Variants in ABLIM1 observed in about 807,000 individuals in gnomAD.
The protein encoded by ABLIM1 is actin-binding LIM protein 1.
ABLIM1 carries 40 observed loss-of-function variants against 107.0 expected under a neutral mutation model. The ratio of observed to expected loss-of-function variants is 0.37; its 90% CI spans 0.29 to 0.49. The LOEUF is 0.49. ABLIM1 is among the 20% of genes least tolerant of loss of function. The pLI, the probability that ABLIM1 is intolerant of heterozygous loss-of-function variation, is 0.97. For synonymous variants in ABLIM1, 357 were observed against 357.3 expected, an observed-to-expected ratio of 1.00 and a Z score of 0.01; for missense variants, 857 against 1,008.5, an observed-to-expected ratio of 0.85 and a Z score of 2.04.
At chr10:114,525,896 C>T (rs2064640579) in intron 6 of ABLIM1, among the ~76,000 whole-genome samples, 1 of 152,082 alleles carries the variant, frequency 6.6e-6, no homozygotes, top group Non-Finnish European at 1.5e-5. Context: ...CTTTCTGGTC[C>T]CATTTCTTCT....
Position 114,707,406 on chromosome 10 carries a change from A to C in ABLIM1, c.-213+60655T>G, listed in dbSNP as rs901598199. Among the ~76,000 whole-genome samples, 4 of 152,000 alleles carry C rather than the reference A, an allele frequency of 2.6e-5. No homozygotes were observed. Among genetic ancestry groups the C allele is most frequent in the Non-Finnish European group, 2.9e-5 (2 of 68,008 alleles). ...CACCACCACACTCAGCTAATTTTAAAATTTTTAGTAGAGACGAAGTTCACC... is the reference window on the plus strand; with the variant it reads ...CACCACCACACTCAGCTAATTTTAACATTTTTAGTAGAGACGAAGTTCACC... On this transcript the variant is annotated intron_variant, in intron 1 of 15. Transcript: ENST00000651092. The surrounding 1 kb of genome is among the most constrained non-coding windows in gnomAD (Gnocchi z 4.1).
chr10:114,733,760 C>T (rs2082123300), intron 1 of ABLIM1, among the ~76,000 whole-genome samples: 1 of 152,180 alleles, frequency 6.6e-6, no homozygotes, highest in Non-Finnish European at 1.5e-5. Flanking sequence ...GCCTCCATTG[C>T]TGATTTGTTC....
At chr10:114,596,351 G>T (rs1489551188) in intron 2 of ABLIM1, among the ~76,000 whole-genome samples, 1 of 152,120 alleles carries the variant, frequency 6.6e-6, no homozygotes, top group Non-Finnish European at 1.5e-5. Context: ...CTGGTATGCT[G>T]TCTCTATTAT....
At chr10:114,595,360 C>A (rs1031467983) in intron 2 of ABLIM1, among the ~76,000 whole-genome samples, 2 of 152,190 alleles carry the variant, frequency 1.3e-5, no homozygotes, top group Non-Finnish European at 2.9e-5. Context: ...TGCACAAATA[C>A]CAACACATTC....
intron 6 of ABLIM1, among the ~76,000 whole-genome samples, chr10:114,534,104 C>T (rs975428908): frequency 2.0e-5 from 3 of 152,156 alleles, no homozygotes; most frequent in Admixed American, 2.0e-4. Context: ...GGTGGGGCAC[C>T]CTGGAATCAA....
In ABLIM1 at chr10:114,658,251, G is replaced by A. The variant is rs962500453; in HGVS notation, c.-51C>T. On this transcript the variant is annotated 5_prime_UTR_variant, in exon 1 of 23. Coordinates refer to ENST00000533213, the MANE Select transcript of ABLIM1 (RefSeq NM_002313.7). Reference sequence around the variant, plus strand: ...GAAATGGGGAGTGGGGACCCAAGGAGCGGTGCTGCCCCACAATTCTCTCTG... The same window carrying A: ...GAAATGGGGAGTGGGGACCCAAGGAACGGTGCTGCCCCACAATTCTCTCTG... 1 of 1,563,790 alleles carries A rather than the reference G, an allele frequency of 6.4e-7. No individual in the cohort carries two copies.
intron 6 of ABLIM1, among the ~76,000 whole-genome samples, chr10:114,495,868 T>C (rs1319328702): frequency 1.3e-5 from 2 of 152,208 alleles, no homozygotes; most frequent in Admixed American, 6.5e-5. Context: ...CCAGGCAGTC[T>C]GGCTCTGGAG....
At chr10:114,459,382 A>G (rs1000002460) in intron 12 of ABLIM1, among the ~76,000 whole-genome samples, 1 of 152,246 alleles carries the variant, frequency 6.6e-6, no homozygotes, top group Non-Finnish European at 1.5e-5. Flanking sequence ...TGTGTTATCA[A>G]TGGCCATAGG....
chr10:114,640,446 G>T (rs1330685002), intron 1 of ABLIM1, among the ~76,000 whole-genome samples: 1 of 152,162 alleles, frequency 6.6e-6, no homozygotes, highest in Non-Finnish European at 1.5e-5. Context: ...AGAATCGCTT[G>T]AACCCAGTAG....
chr10:114,544,757 A>G (rs777371767), intron 6 of ABLIM1, among the ~76,000 whole-genome samples: 22 of 152,280 alleles, frequency 1.4e-4, no homozygotes, highest in Non-Finnish European at 1.9e-4. Context: ...CCTGTCCTAC[A>G]TAACTCCTAC....
chr10:114,568,141 G>C (rs1414058394), intron 4 of ABLIM1, among the ~76,000 whole-genome samples: 1 of 133,514 alleles, frequency 7.5e-6, no homozygotes, highest in Non-Finnish European at 1.5e-5. Context: ...AGTGAGCCGA[G>C]ATTGCGCCAC....
At chr10:114,594,665 G>A (rs920631299) in intron 2 of ABLIM1, among the ~76,000 whole-genome samples, 7 of 152,132 alleles carry the variant, frequency 4.6e-5, no homozygotes, top group East Asian at 1.9e-4. Context: ...CAGGGGAATC[G>A]TTTGAACCTG....
chr10:114,771,364 C>T (rs897399207), upstream of ABLIM1, among the ~76,000 whole-genome samples: 5 of 152,208 alleles, frequency 3.3e-5, no homozygotes, highest in African/African-American at 1.2e-4. Context: ...GCAAGTACTC[C>T]GTGCCTGCCT....
chr10:114,689,082 C>A (rs1384708643), upstream of ABLIM1, among the ~76,000 whole-genome samples: 2 of 152,162 alleles, frequency 1.3e-5, no homozygotes, highest in Non-Finnish European at 2.9e-5. Context: ...ACGGAGGCTG[C>A]AGAGAGGGAG....
chr10:114,658,725 C>T (rs149564439), upstream of ABLIM1, among the ~76,000 whole-genome samples: 8 of 152,268 alleles, frequency 5.3e-5, no homozygotes, highest in Non-Finnish European at 1.0e-4. Context: ...GTGACAAATC[C>T]AGCTCTCAGC....
chr10:114,517,565 T>A (rs1037392576), intron 6 of ABLIM1, among the ~76,000 whole-genome samples: 5 of 152,082 alleles, frequency 3.3e-5, no homozygotes, highest in Non-Finnish European at 7.3e-5. Flanking sequence ...TATGATATCC[T>A]TAGGAACGAA....
intron 1 of ABLIM1, among the ~76,000 whole-genome samples, chr10:114,656,789 T>C (rs1450505605): frequency 2.6e-5 from 4 of 152,108 alleles, no homozygotes; most frequent in Middle Eastern, 3.2e-3. Context: ...GGGTAAACCC[T>C]GAAAACATGC....
chr10:114,526,030 T>G (rs1022025651), intron 6 of ABLIM1, among the ~76,000 whole-genome samples: 2 of 152,218 alleles, frequency 1.3e-5, no homozygotes, highest in Non-Finnish European at 2.9e-5. Flanking sequence ...ATCTCTAGAT[T>G]TCTTTTACTG....
intron 6 of ABLIM1, among the ~76,000 whole-genome samples, chr10:114,497,681 CAAAA>C (rs576676119): frequency 5.3e-5 from 4 of 75,562 alleles, no homozygotes; most frequent in African/African-American, 1.0e-4. Context: ...GATTCTGTCT[CAAAA>C]AAAAAAAAAA....
Sources: gnomAD v4.1 joint callset for allele counts (sites outside exome capture counted in the v4.1 genomes callset) on GRCh38, gnomAD v4.1.1 for gene constraint, Gnocchi (gnomAD v3.1) non-coding constraint, MANE v1.5 for transcripts, NCBI Gene and HGNC (gene_info 2026-07-23, HGNC 2026-07-21) for gene names.